The following CROT variants were observed in gnomAD, a reference collection of about 807,000 sequenced individuals.
CROT encodes peroxisomal carnitine O-octanoyltransferase.
CROT carries 84 observed loss-of-function variants against 89.2 expected under a neutral mutation model. That is an observed-to-expected ratio of 0.94 (90% CI 0.79 to 1.13). CROT has a LOEUF of 1.13. CROT is among the 50% of genes most tolerant of loss of function. CROT has a pLI of 0.00. For synonymous variants in CROT, 212 were observed against 239.5 expected, an observed-to-expected ratio of 0.89 and a Z score of 1.06; for missense variants, 711 against 727.8, an observed-to-expected ratio of 0.98 and a Z score of 0.27.
chr7:87,376,955 G>A (rs1223778316), intron 9 of CROT, among the ~76,000 whole-genome samples: 1 of 152,006 alleles, frequency 6.6e-6, no homozygotes, highest in East Asian at 1.9e-4. Context: ...TTGAAAAACA[G>A]GTTTAGTAGG....
chr7:87,375,875 A>G lies in CROT; in HGVS notation c.798A>G (p.Leu266=), dbSNP rs1377681227. 2.5e-6 allele frequency: 4 copies of G among 1,613,602 alleles called. No individual in the cohort carries two copies. The South Asian group carries it at 4.4e-5, about 18-fold the overall frequency. The change falls in exon 9 of 18, where the codon TTA becomes TTG. Residue 266 remains leucine (L), a synonymous_variant. Coordinates refer to ENST00000331536, the MANE Select transcript of CROT (RefSeq NM_021151.4). ...TTGATCCAGAGAACTTGGCTTTGTT[A>G]GAAAAAATTCAGAGTAGTTTACTGG... ...IGLDPENLAL[L]EKIQSSLLVY...
Position 87,352,487 on chromosome 7 carries a change from C to T in CROT, c.115+3304C>T, listed in dbSNP as rs75511613. On this transcript the variant is annotated intron_variant, in intron 3 of 17. Coordinates refer to ENST00000331536, the MANE Select transcript of CROT (RefSeq NM_021151.4). ...CATAAGAGCCAAAAGCCAAATGGGA[C>T]GGTTATAAAATTTGCTTATTTATAA... 7.4e-3 allele frequency among the ~76,000 whole-genome samples: 1,128 copies of T among 152,244 alleles called. 12 individuals are homozygous for T. Among genetic ancestry groups the T allele is most frequent in the African/African-American group, 0.025 (1,052 of 41,536 alleles).
rs1338830451 is a variant in CROT at position 87,361,713 on chromosome 7, TC to T, written c.423-13del. On this transcript the variant is annotated splice_polypyrimidine_tract_variant and intron_variant, in intron 5 of 17. Coordinates refer to ENST00000331536, the MANE Select transcript of CROT (RefSeq NM_021151.4). The stretch of plus-strand genomic sequence containing the variant: ...TTTTATAATGACTTTTTGATCAAAA[TC>T]CTTTTTTTAATAGAGAAAAAGTGCC... 1 of 1,562,122 alleles carries T rather than the reference TC, an allele frequency of 6.4e-7. No homozygotes were observed. Among genetic ancestry groups the T allele is most frequent in the South Asian group, 1.2e-5 (1 of 83,246 alleles).
Position 87,377,413 on chromosome 7 carries a change from T to A in CROT, c.941T>A (p.Ile314Asn), listed in dbSNP as rs1806845559. 6.2e-7 allele frequency: 1 copy of A among 1,611,094 alleles called. No individual in the cohort carries two copies. The highest frequency in any genetic ancestry group is 8.5e-7 in the Non-Finnish European group (1 of 1,177,836). Residue 314 changes from isoleucine to asparagine, a missense_variant, in exon 10 of 18, where the codon ATT (isoleucine) becomes AAT (asparagine). Physicochemically the swap from Ile to Asn is moderately radical, Grantham distance 149. Coordinates refer to ENST00000331536, the MANE Select transcript of CROT (RefSeq NM_021151.4). ...TGGGGTGACAAATCCTATAACTTGA[T>A]TTCCTTTTCTAATGGAGTATTTGGC... is the stretch of plus-strand genomic sequence containing the variant. The part of the protein sequence containing the change: ...VRWGDKSYNL[I>N]SFSNGVFGCN...
chr7:87,388,218 C>A (rs80036189), intron 13 of CROT, among the ~76,000 whole-genome samples: 1 of 151,842 alleles, frequency 6.6e-6, no homozygotes, highest in African/African-American at 2.4e-5. Flanking sequence ...TTTATAGATT[C>A]GATGCTATCT....
intron 3 of CROT, among the ~76,000 whole-genome samples, chr7:87,351,307 T>C (rs1562926323): frequency 2.0e-5 from 1 of 49,060 alleles, no homozygotes; most frequent in Non-Finnish European, 3.3e-5. Flanking sequence ...AGACTCCATC[T>C]CAAAAAAAAA....
Position 87,375,942 on chromosome 7 carries a change from G to A in CROT, c.865G>A (p.Asp289Asn). The part of the protein sequence containing the change: ...EDSSPHVTPE[D>N]YSEIIAAILI... ...TAGCAGTCCACATGTAACACCAGAG[G>A]ATTATTCTGAGGTACTTAACTACCT... The change falls in exon 9 of 18, where the codon GAT (aspartate) becomes AAT (asparagine). Residue 289 changes from aspartate (D) to asparagine (N), a missense_variant. Coordinates refer to ENST00000331536, the MANE Select transcript of CROT (RefSeq NM_021151.4). The A allele has an allele frequency of 6.2e-7, 1 of 1,601,190 alleles. No homozygotes were observed. Among genetic ancestry groups the A allele is most frequent in the Non-Finnish European group, 8.5e-7 (1 of 1,175,584 alleles).
At chr7:87,361,929 C>T in intron 6 of CROT, 77 bp downstream of exon 6, 1 of 1,299,632 alleles carries the variant, frequency 7.7e-7, no homozygotes, top group Non-Finnish European at 1.0e-6. Context: ...ATGGAACATA[C>T]ACTTTTGAAG....
At chr7:87,365,263 C>A (rs983205626) in intron 6 of CROT, among the ~76,000 whole-genome samples, 1 of 152,048 alleles carries the variant, frequency 6.6e-6, no homozygotes, top group African/African-American at 2.4e-5. Flanking sequence ...CCTAGGTGGG[C>A]AGATCACCTG....
At chr7:87,355,605 A>G (rs1352692932) in intron 3 of CROT, among the ~76,000 whole-genome samples, 2 of 152,226 alleles carry the variant, frequency 1.3e-5, no homozygotes, top group East Asian at 3.8e-4. Flanking sequence ...AGACCAGAAA[A>G]AAATGACAGG....
rs556857727 is a variant in CROT, at chr7:87,362,568, T to C, written c.547+716T>C. Among the ~76,000 whole-genome samples the C allele has an allele frequency of 9.9e-5, 15 of 152,256 alleles. 1 individual carries two copies. Among genetic ancestry groups the C allele is most frequent in the Middle Eastern group, 6.8e-3 (2 of 294 alleles). The stretch of plus-strand genomic sequence containing the variant: ...GCCTCAGCCTCCAGAAGTGCTGAGA[T>C]TACAGGCATGGGCCACCATGCCCGG... On this transcript the variant is annotated intron_variant, in intron 6 of 17. Transcript: ENST00000331536.
rs946079902 is a variant in CROT, at chr7:87,346,032, C to T, written c.-113+265C>T. 2.6e-5 allele frequency among the ~76,000 whole-genome samples: 4 copies of T among 152,240 alleles called. No homozygotes were observed. In the South Asian group the frequency reaches 6.2e-4, roughly 24 times the overall value. On this transcript the variant is annotated intron_variant, in intron 1 of 17. Coordinates refer to ENST00000331536, the MANE Select transcript of CROT (RefSeq NM_021151.4). Reference sequence around the variant, plus strand: ...GGAAGAGCCTCCGAGCTCTCATTGCCCTCTGCTCCTGCTTCTACCCCTTGC... The same window carrying T: ...GGAAGAGCCTCCGAGCTCTCATTGCTCTCTGCTCCTGCTTCTACCCCTTGC...
rs183991417 is a variant in CROT, at chr7:87,394,220, G to A, written c.1718+1153G>A. On this transcript the variant is annotated intron_variant, in intron 17 of 17. Transcript: ENST00000331536. ...AGCTACCTCATGTTGCTACTGTGGT[G>A]AGCTAAAGAGTTGCAAGTATCTCCT... is the stretch of plus-strand genomic sequence containing the variant. 1.5e-3 allele frequency among the ~76,000 whole-genome samples: 226 copies of A among 152,238 alleles called. 2 individuals are homozygous for A. Among genetic ancestry groups the A allele is most frequent in the African/African-American group, 5.2e-3 (217 of 41,548 alleles).
At chr7:87,391,123 C>T (rs569788200) in intron 13 of CROT, among the ~76,000 whole-genome samples, 1 of 152,324 alleles carries the variant, frequency 6.6e-6, no homozygotes, top group South Asian at 2.1e-4. Flanking sequence ...AGTTTTCTGC[C>T]GCTAGGGCCT....
Position 87,391,588 on chromosome 7 carries a change from G to C in CROT, c.1302-1G>C. ...TACACTCTTTTAATTTTTTCTTGTA[G>C]CCCTGGTTGTTGCTATGAAACAGCT... is the stretch of plus-strand genomic sequence containing the variant. On this transcript the variant is annotated splice_acceptor_variant, in intron 13 of 17. Coordinates refer to ENST00000331536, the MANE Select transcript of CROT (RefSeq NM_021151.4). LOFTEE classifies it high-confidence loss of function. 1 of 1,587,482 alleles carries C rather than the reference G, an allele frequency of 6.3e-7. No homozygotes were observed. Among genetic ancestry groups the C allele is most frequent in the Non-Finnish European group, 8.5e-7 (1 of 1,172,180 alleles).
At chr7:87,382,050 T>C (rs773845649) in intron 11 of CROT, 24 bp from the exon 12 acceptor site, 12 of 1,580,484 alleles carry the variant, frequency 7.6e-6, no homozygotes, top group Non-Finnish European at 9.5e-6. Flanking sequence ...AGATAAAATA[T>C]TTTTAAGTCT....
intron 13 of CROT, among the ~76,000 whole-genome samples, chr7:87,386,960 C>T (rs1435801154): frequency 6.6e-6 from 1 of 152,124 alleles, no homozygotes; most frequent in Non-Finnish European, 1.5e-5. Flanking sequence ...ATAAGGGTGT[C>T]TGTCTGCCTT....
At chr7:87,369,580 C>A (rs1806560972) in intron 7 of CROT, 96 bp downstream of exon 7, 4 of 611,972 alleles carry the variant, frequency 6.5e-6, no homozygotes, top group African/African-American at 3.8e-5. Context: ...TGATAGTAAG[C>A]TGAAAAATAA....
chr7:87,392,758 A>C lies in CROT; in HGVS notation c.1533A>C (p.Leu511Phe). The C allele has an allele frequency of 6.2e-7, 1 of 1,613,644 alleles. No homozygotes were observed. Among genetic ancestry groups the C allele is most frequent in the Non-Finnish European group, 8.5e-7 (1 of 1,179,762 alleles). ...TTGATCGTCACCTTTTAGGTCTCTT[A>C]CTCATAGCAAAAGAGGAAGGTCTTC... ...KGFDRHLLGL[L>F]LIAKEEGLPV... The change falls in exon 16 of 18, where the codon TTA becomes TTC. Residue 511 changes from leucine to phenylalanine, a missense_variant. Physicochemically the swap from Leu to Phe is conservative, Grantham distance 22. Coordinates refer to ENST00000331536, the MANE Select transcript of CROT (RefSeq NM_021151.4).
Sources: gnomAD v4.1 joint callset for allele counts (sites outside exome capture counted in the v4.1 genomes callset) on GRCh38, gnomAD v4.1.1 for gene constraint, MANE v1.5 for transcripts, NCBI Gene and HGNC (gene_info 2026-07-23, HGNC 2026-07-21) for gene names.